PCF11: variants seen among roughly 807,000 people sequenced by gnomAD.
The protein encoded by PCF11 is pre-mRNA cleavage complex 2 protein Pcf11.
Under a neutral mutation model 166.1 loss-of-function variants are expected in PCF11, and 19 were observed. The ratio of observed to expected loss-of-function variants is 0.11; its 90% CI spans 0.08 to 0.17. PCF11 has a LOEUF of 0.17. PCF11 is among the 10% of genes least tolerant of loss of function. The pLI, the probability that PCF11 is intolerant of heterozygous loss-of-function variation, is 1.00. For synonymous variants in PCF11, 663 were observed against 644.1 expected (o/e 1.03, Z -0.44); for missense variants, 1,565 against 1,855.5 (o/e 0.84, Z 2.88).
chr11:83,175,711 G>GCCC (rs914752042), intron 9 of PCF11, among the ~76,000 whole-genome samples: 1 of 152,084 alleles, frequency 6.6e-6, no homozygotes, highest in Admixed American at 6.5e-5. Flanking sequence ...CTGAGATCGT[G>GCCC]CCCCTGCACT....
At chr11:83,158,294 A>C (rs530583234) in intron 1 of PCF11, 3 of 149,012 alleles carry the variant, frequency 2.0e-5, no homozygotes, top group South Asian at 2.2e-4. Context: ...TGGAGGGTCT[A>C]ATTTGTCCCA....
At chr11:83,163,986 GAAAA>G in intron 3 of PCF11, 119 bp downstream of exon 3, 1 of 439,574 alleles carries the variant, frequency 2.3e-6, no homozygotes, top group African/African-American at 2.3e-5. Context: ...GGTTCAATTT[GAAAA>G]AAAAAAAAAT....
At position 83,163,100 on chromosome 11, in the gene PCF11, A is replaced by G. The variant is rs545190514; in HGVS notation, c.319-579A>G. Among the ~76,000 whole-genome samples the G allele has an allele frequency of 1.1e-4, 16 of 152,334 alleles. 1 individual carries two copies. The highest frequency in any genetic ancestry group is 9.2e-4 in the Admixed American group (14 of 15,296). On this transcript the variant is annotated intron_variant, in intron 2 of 15. Transcript: ENST00000298281. Reference sequence around the variant, plus strand: ...CAAATTTTCTAAACATTTTTACGCCATCACAAACCTGAACAGAAAAGTTAT... The same window carrying G: ...CAAATTTTCTAAACATTTTTACGCCGTCACAAACCTGAACAGAAAAGTTAT...
chr11:83,179,248 C>T (rs757047381), intron 11 of PCF11, among the ~76,000 whole-genome samples: 1 of 151,258 alleles, frequency 6.6e-6, no homozygotes, highest in Non-Finnish European at 1.5e-5. Flanking sequence ...TGCCATTTAC[C>T]TCTTTTTCCT....
chr11:83,173,886 A>T (rs1860785860), intron 9 of PCF11, among the ~76,000 whole-genome samples: 1 of 151,702 alleles, frequency 6.6e-6, no homozygotes, highest in South Asian at 2.1e-4. Context: ...ACATGCCACT[A>T]CACCTGGCTA....
At chr11:83,172,047 CAT>C (rs1239341528) in intron 9 of PCF11, 133 bp downstream of exon 9, 1 of 612,036 alleles carries the variant, frequency 1.6e-6, no homozygotes, top group Non-Finnish European at 2.9e-6. Flanking sequence ...ATCTGGCTGA[CAT>C]ATTTTTGTTC....
chr11:83,162,824 G>T (rs1312690665), intron 2 of PCF11, among the ~76,000 whole-genome samples: 2 of 151,976 alleles, frequency 1.3e-5, no homozygotes, highest in Non-Finnish European at 2.9e-5. Flanking sequence ...GCCCAAGCTG[G>T]AGTGCAATGG....
At position 83,161,291 on chromosome 11, in the gene PCF11, T is replaced by A. The variant is rs760988883; in HGVS notation, c.193-36T>A. The A allele has an allele frequency of 5.1e-5, 79 of 1,540,818 alleles. 1 individual carries two copies. In the East Asian group the frequency reaches 1.8e-3, roughly 34 times the overall value. ...TTTTAAATAATTATTTGGTGGTAAT[T>A]CATTATACTAAACTTCTCAGTTTCT... is the stretch of plus-strand genomic sequence containing the variant. On this transcript the variant is annotated intron_variant, in intron 1 of 15. Transcript: ENST00000298281.
chr11:83,164,156 C>A, intron 3 of PCF11, 51 bp from the exon 4 acceptor site: 1 of 1,315,718 alleles, frequency 7.6e-7, no homozygotes, highest in South Asian at 1.4e-5. Flanking sequence ...TACTCCCTAG[C>A]TTCCGTTTTA....
intron 1 of PCF11, 112 bp downstream of exon 1, chr11:83,157,743 A>AC (rs921392120): frequency 5.0e-5 from 42 of 845,040 alleles, no homozygotes; most frequent in South Asian, 1.0e-4. Context: ...CTTCTCTCCA[A>AC]CCCCCCCACC....
chr11:83,173,772 C>T (rs1388760704), intron 9 of PCF11, among the ~76,000 whole-genome samples: 1 of 131,192 alleles, frequency 7.6e-6, no homozygotes, highest in African/African-American at 3.0e-5. Context: ...TCTTGTCACC[C>T]AGGCTGGAGT....
intron 11 of PCF11, among the ~76,000 whole-genome samples, chr11:83,179,470 G>A (rs558544129): frequency 3.2e-4 from 49 of 152,018 alleles, no homozygotes; most frequent in African/African-American, 9.6e-4. Context: ...GGCTGTTCTC[G>A]AACTCCTGGG....
chr11:83,162,462 A>T (rs116824686), intron 2 of PCF11, among the ~76,000 whole-genome samples: 1 of 152,366 alleles, frequency 6.6e-6, no homozygotes, highest in African/African-American at 2.4e-5. Flanking sequence ...TATAGCATTA[A>T]AATGCTTGTT....
chr11:83,157,895 A>G (rs771732121), intron 1 of PCF11: 14 of 500,874 alleles, frequency 2.8e-5, no homozygotes, highest in Non-Finnish European at 4.7e-5. Flanking sequence ...ATCCCGACAC[A>G]CACACGCTTT....
In PCF11 at chr11:83,182,760, G is replaced by A. The variant is rs529520097; in HGVS notation, c.4416+269G>A. Among the ~76,000 whole-genome samples, 9 of 152,214 alleles carry A rather than the reference G, an allele frequency of 5.9e-5. No homozygotes were observed. In the South Asian group the frequency reaches 1.7e-3, roughly 28 times the overall value. On this transcript the variant is annotated intron_variant, in intron 14 of 15. Coordinates refer to ENST00000298281, the Ensembl canonical transcript of PCF11. The stretch of plus-strand genomic sequence containing the variant: ...GAATCTAGTTAGTCGTTTTTCTGTC[G>A]ACCCACACTATTTTGATTGTGGATT...
exon 5 of PCF11, chr11:83,165,942 G>T: frequency 6.2e-7 from 1 of 1,607,170 alleles, no homozygotes; most frequent in South Asian, 1.1e-5. Context: ...AAGTAAATCA[G>T]GTGAAAAAAT....
intron 7 of PCF11, 116 bp from the exon 8 acceptor site, chr11:83,168,312 G>A: frequency 4.1e-6 from 4 of 971,024 alleles, no homozygotes; most frequent in Non-Finnish European, 4.4e-6. Flanking sequence ...TTACGCTGTC[G>A]GTCTCTCCTG....
intron 1 of PCF11, among the ~76,000 whole-genome samples, chr11:83,160,624 A>C (rs1171689275): frequency 6.6e-6 from 1 of 152,100 alleles, no homozygotes; most frequent in Non-Finnish European, 1.5e-5. Context: ...CTCGGCGGAG[A>C]GTCCAGGCTG....
chr11:83,180,580 C>T (rs1861053465), intron 11 of PCF11: 1 of 152,704 alleles, frequency 6.5e-6, no homozygotes, highest in African/African-American at 2.4e-5. Flanking sequence ...ATTATTATTT[C>T]TTCTGTCCTT....
Sources: allele counts gnomAD v4.1 joint callset (sites outside exome capture counted in the v4.1 genomes callset), GRCh38; gene constraint gnomAD v4.1.1; transcripts MANE v1.5; gene names NCBI Gene and HGNC (gene_info 2026-07-23, HGNC 2026-07-21).